TTC39B: variants seen among roughly 807,000 people sequenced by gnomAD.
TTC39B encodes the protein tetratricopeptide repeat protein 39B.
A neutral mutation model predicts 96.6 loss-of-function variants in TTC39B; 92 were observed. The ratio of observed to expected loss-of-function variants is 0.95; its 90% CI spans 0.80 to 1.13. TTC39B has a LOEUF of 1.13. TTC39B is among the 50% of genes most tolerant of loss of function. TTC39B has a pLI of 0.00. For synonymous variants in TTC39B, 367 were observed against 299.4 expected, an observed-to-expected ratio of 1.23 and a Z score of -2.33; for missense variants, 955 against 809.3, an observed-to-expected ratio of 1.18 and a Z score of -2.18.
At chr9:15,263,676 T>G (rs1333472351) in intron 2 of TTC39B, among the ~76,000 whole-genome samples, 1 of 152,192 alleles carries the variant, frequency 6.6e-6, no homozygotes, top group African/African-American at 2.4e-5. Context: ...TTTATTAAAA[T>G]CAGATCAAAA....
intron 1 of TTC39B, among the ~76,000 whole-genome samples, chr9:15,294,626 T>C (rs1030345994): frequency 1.3e-5 from 2 of 151,810 alleles, no homozygotes; most frequent in Admixed American, 6.5e-5. Context: ...TGGTTTCCCC[T>C]CCCACTCAGG....
intron 19 of TTC39B, 41 bp from the exon 20 acceptor site, chr9:15,172,150 T>C (rs757159390): frequency 1.1e-5 from 16 of 1,458,176 alleles, no homozygotes; most frequent in South Asian, 2.3e-5. Context: ...CAAAATTTCC[T>C]TATATACCAG....
chr9:15,272,588 A>G (rs927203255), intron 1 of TTC39B, among the ~76,000 whole-genome samples: 3 of 152,200 alleles, frequency 2.0e-5, no homozygotes, highest in Non-Finnish European at 2.9e-5. Context: ...GCCTGGTGTA[A>G]CAGATGTTTT....
chr9:15,205,453 T>C (rs1819791496), intron 6 of TTC39B, among the ~76,000 whole-genome samples: 1 of 149,258 alleles, frequency 6.7e-6, no homozygotes, highest in African/African-American at 2.4e-5. Flanking sequence ...GTTCCTGCCA[T>C]GCTCATATTC....
intron 2 of TTC39B, among the ~76,000 whole-genome samples, chr9:15,256,763 G>C (rs559818976): frequency 6.6e-6 from 1 of 152,284 alleles, no homozygotes. Flanking sequence ...ATCCGGAGCA[G>C]CACAGGGTTT....
chr9:15,175,226 A>C (rs1165042305), intron 18 of TTC39B, 91 bp from the exon 19 acceptor site: 13 of 891,482 alleles, frequency 1.5e-5, no homozygotes, highest in Non-Finnish European at 1.9e-5. Context: ...TTCAGAAAAC[A>C]TGTGCAGCAC....
rs114742568 is a variant in TTC39B at position 15,179,966 on chromosome 9, C to T, written c.1724-2152G>A. ...CCATTATCTAGCAGATGATTATTTT[C>T]CCTTGAAGTATAAATGCTTTGTCAT... is the stretch of plus-strand genomic sequence containing the variant. On this transcript the variant is annotated intron_variant, in intron 17 of 19. Transcript: ENST00000512701. Among the ~76,000 whole-genome samples, 945 of 152,312 alleles carry T rather than the reference C, an allele frequency of 6.2e-3. 10 individuals carry two copies. Among genetic ancestry groups the T allele is most frequent in the African/African-American group, 0.021 (889 of 41,558 alleles).
intron 3 of TTC39B, among the ~76,000 whole-genome samples, chr9:15,224,758 A>C (rs1821030106): frequency 6.6e-6 from 1 of 152,242 alleles, no homozygotes; most frequent in African/African-American, 2.4e-5. Context: ...AAGAAAACAC[A>C]AAATTCCATG....
intron 1 of TTC39B, among the ~76,000 whole-genome samples, chr9:15,283,029 T>C (rs1449935654): frequency 6.6e-6 from 1 of 152,198 alleles, no homozygotes; most frequent in Non-Finnish European, 1.5e-5. Context: ...TACAACTATT[T>C]GTTTCACGTC....
At chr9:15,281,375 A>C (rs1823754525) in intron 1 of TTC39B, among the ~76,000 whole-genome samples, 1 of 152,114 alleles carries the variant, frequency 6.6e-6, no homozygotes, top group African/African-American at 2.4e-5. Context: ...GCTCCCATTA[A>C]ATTATTACTT....
At chr9:15,267,655 G>C (rs1823183592) in intron 2 of TTC39B, among the ~76,000 whole-genome samples, 1 of 152,162 alleles carries the variant, frequency 6.6e-6, no homozygotes, top group Non-Finnish European at 1.5e-5. Context: ...TATTAAAAGA[G>C]TTAGCTATAA....
intron 18 of TTC39B, 123 bp downstream of exon 18, chr9:15,177,574 C>G: frequency 1.5e-6 from 1 of 646,310 alleles, no homozygotes; most frequent in East Asian, 2.7e-5. Flanking sequence ...ACTGGATTTT[C>G]TTTCTGGTAA....
chr9:15,239,356 A>G (rs1019533732), intron 2 of TTC39B, among the ~76,000 whole-genome samples: 3 of 152,228 alleles, frequency 2.0e-5, no homozygotes, highest in African/African-American at 4.8e-5. Flanking sequence ...AAACAGTATG[A>G]AGATATCTCA....
chr9:15,298,261 C>T (rs1050714763), intron 1 of TTC39B, among the ~76,000 whole-genome samples: 2 of 152,148 alleles, frequency 1.3e-5, no homozygotes, highest in African/African-American at 4.8e-5. Flanking sequence ...GGTTTTGAGG[C>T]CTCTGTGCTT....
In TTC39B at chr9:15,258,085, G is replaced by A. The variant is rs558129515; in HGVS notation, c.275+9829C>T. On this transcript the variant is annotated intron_variant, in intron 2 of 19. Coordinates refer to ENST00000512701, the Ensembl canonical transcript of TTC39B. ...CAAAAAAAATAAAATAAGATAACTT[G>A]GGCTGCTGTATGGAGAGTAAGTGGG... 1.5e-4 allele frequency among the ~76,000 whole-genome samples: 23 copies of A among 152,124 alleles called. No individual in the cohort carries two copies. In the South Asian group the frequency reaches 4.8e-3, roughly 32 times the overall value.
exon 20 of TTC39B, chr9:15,165,077 T>C (rs2800582): frequency 0.75 from 114,002 of 152,264 alleles, 43,041 homozygotes; most frequent in East Asian, 0.96. Flanking sequence ...CCAGGCATGA[T>C]GGCTCACGCC....
At chr9:15,230,230 G>C (rs1821347725) in intron 2 of TTC39B, among the ~76,000 whole-genome samples, 1 of 152,148 alleles carries the variant, frequency 6.6e-6, no homozygotes, top group Non-Finnish European at 1.5e-5. Flanking sequence ...TTTTTAAACA[G>C]CTTTATTCAG....
At chr9:15,263,265 G>A (rs776502291) in intron 2 of TTC39B, among the ~76,000 whole-genome samples, 3 of 152,110 alleles carry the variant, frequency 2.0e-5, no homozygotes, top group South Asian at 2.1e-4. Flanking sequence ...GAAAAGTACC[G>A]ATGTTCACTG....
intron 1 of TTC39B, among the ~76,000 whole-genome samples, chr9:15,297,999 A>G (rs1165479576): frequency 1.3e-5 from 2 of 152,212 alleles, no homozygotes; most frequent in African/African-American, 4.8e-5. Flanking sequence ...ATCCATGAAC[A>G]GGGTAAGGAA....
Sources: gnomAD v4.1 joint callset for allele counts (sites outside exome capture counted in the v4.1 genomes callset) on GRCh38, gnomAD v4.1.1 for gene constraint, MANE v1.5 for transcripts, NCBI Gene and HGNC (gene_info 2026-07-23, HGNC 2026-07-21) for gene names.